The following STPG2 variants were observed in gnomAD, a reference collection of about 807,000 sequenced individuals.
The protein encoded by STPG2 is sperm tail PG-rich repeat containing 2.
Under a neutral mutation model 54.2 loss-of-function variants are expected in STPG2, and 56 were observed. The observed-to-expected ratio is 1.03, with a 90% CI of 0.83 to 1.29. STPG2 has a LOEUF of 1.29. STPG2 is among the 50% of genes most tolerant of loss of function. The pLI, the probability that STPG2 is intolerant of heterozygous loss-of-function variation, is 0.00. For missense variants in STPG2, 596 were observed against 544.9 expected (o/e 1.09, Z -0.93); for synonymous variants, 200 against 181.8 (o/e 1.10, Z -0.81).
chr4:98,110,100 T>G (rs992326874), intron 3 of STPG2, among the ~76,000 whole-genome samples: 2 of 152,116 alleles, frequency 1.3e-5, no homozygotes, highest in African/African-American at 4.8e-5. Context: ...TACTATAATT[T>G]CCATAACATA....
intron 4 of STPG2, among the ~76,000 whole-genome samples, chr4:97,522,099 T>A (rs1731195590): frequency 6.6e-6 from 1 of 152,010 alleles, no homozygotes; most frequent in African/African-American, 2.4e-5. Flanking sequence ...TAAACCTGAC[T>A]CTACCTACAT....
chr4:97,479,860 A>T (rs1730174699), intron 4 of STPG2, among the ~76,000 whole-genome samples: 1 of 151,908 alleles, frequency 6.6e-6, no homozygotes, highest in Non-Finnish European at 1.5e-5. Flanking sequence ...AGGGAAGCAA[A>T]GTGATTCCTA....
intron 4 of STPG2, among the ~76,000 whole-genome samples, chr4:97,539,354 C>G (rs1404240332): frequency 6.6e-6 from 1 of 151,980 alleles, no homozygotes; most frequent in East Asian, 1.9e-4. Context: ...GAAGATCTAC[C>G]AAGCAAATGG....
intron 10 of STPG2, among the ~76,000 whole-genome samples, chr4:97,560,219 C>T (rs74713713): frequency 0.021 from 3,237 of 152,202 alleles, 71 homozygotes; most frequent in African/African-American, 0.059. Context: ...ATGACATCAT[C>T]GGAAAATTAC....
chr4:97,692,057 C>T (rs1156436081), intron 10 of STPG2, among the ~76,000 whole-genome samples: 1 of 152,064 alleles, frequency 6.6e-6, no homozygotes, highest in African/African-American at 2.4e-5. Flanking sequence ...CAGATTTTCC[C>T]TCTGATATAG....
intron 3 of STPG2, among the ~76,000 whole-genome samples, chr4:98,120,095 G>C (rs749081543): frequency 6.6e-6 from 1 of 151,588 alleles, no homozygotes; most frequent in African/African-American, 2.4e-5. Flanking sequence ...TTTTGTTTTT[G>C]TTTGAAATGG....
intron 8 of STPG2, among the ~76,000 whole-genome samples, chr4:97,881,982 A>C (rs1442364159): frequency 1.3e-5 from 2 of 152,150 alleles, no homozygotes; most frequent in Non-Finnish European, 2.9e-5. Flanking sequence ...TAAAAGAGCA[A>C]TAAATTAGCC....
chr4:98,112,086 C>G (rs1377132118), intron 3 of STPG2, among the ~76,000 whole-genome samples: 1 of 152,076 alleles, frequency 6.6e-6, no homozygotes, highest in East Asian at 1.9e-4. Context: ...GACTTCTCAG[C>G]CTCCATAATC....
chr4:97,734,061 A>C (rs1724892602), intron 9 of STPG2, among the ~76,000 whole-genome samples: 1 of 152,186 alleles, frequency 6.6e-6, no homozygotes, highest in Admixed American at 6.5e-5. Context: ...AAGTGCCAAA[A>C]GTGGGCATCC....
chr4:97,877,679 T>C (rs1730228494), intron 8 of STPG2, among the ~76,000 whole-genome samples: 1 of 152,056 alleles, frequency 6.6e-6, no homozygotes, highest in African/African-American at 2.4e-5. Flanking sequence ...TCCCACAACA[T>C]GGGGGAATTA....
chr4:97,657,802 T>C, intron 10 of STPG2, among the ~76,000 whole-genome samples: 1 of 152,222 alleles, frequency 6.6e-6, no homozygotes. Flanking sequence ...CTAGATCACT[T>C]GTAAATAGAA....
chr4:97,775,325 T>C (rs1386370317), intron 9 of STPG2, among the ~76,000 whole-genome samples: 1 of 152,198 alleles, frequency 6.6e-6, no homozygotes, highest in Admixed American at 6.5e-5. Flanking sequence ...TACATATGTA[T>C]ACATGTGCCA....
Position 97,597,556 on chromosome 4 carries a change from C to T in STPG2, c.1321-38439G>A, listed in dbSNP as rs1460178138. Among the ~76,000 whole-genome samples the T allele has an allele frequency of 2.0e-5, 3 of 151,906 alleles. No individual in the cohort carries two copies. In the East Asian group the frequency reaches 5.8e-4, roughly 29 times the overall value. On this transcript the variant is annotated intron_variant, in intron 10 of 10. Transcript: ENST00000295268. ...CACCAAGATTAAGTAGACTTTTTCC[C>T]TGGGATGCAAGGTTGTTTCAATATA... is the stretch of plus-strand genomic sequence containing the variant.
intron 5 of STPG2, among the ~76,000 whole-genome samples, chr4:98,057,354 G>A (rs1456946261): frequency 2.0e-5 from 3 of 152,114 alleles, no homozygotes; most frequent in Non-Finnish European, 4.4e-5. Context: ...CCAGTATAGA[G>A]AAGAACATAG....
intron 4 of STPG2, among the ~76,000 whole-genome samples, chr4:97,460,145 G>C (rs906745981): frequency 1.3e-5 from 2 of 152,196 alleles, no homozygotes; most frequent in African/African-American, 2.4e-5. Flanking sequence ...CCCCCCACTA[G>C]TACAACCACC....
At chr4:97,687,542 G>A (rs1455067442) in intron 10 of STPG2, among the ~76,000 whole-genome samples, 3 of 151,714 alleles carry the variant, frequency 2.0e-5, no homozygotes, top group Admixed American at 6.6e-5. Flanking sequence ...GTTTCACCAC[G>A]TTGGCCAAGC....
intron 8 of STPG2, among the ~76,000 whole-genome samples, chr4:97,914,379 C>G (rs1236639970): frequency 2.6e-5 from 4 of 152,184 alleles, no homozygotes; most frequent in African/African-American, 9.6e-5. Flanking sequence ...AATAGCTCAC[C>G]AGGAAAATAA....
chr4:98,001,909 G>C (rs993746301), intron 5 of STPG2, among the ~76,000 whole-genome samples: 6 of 152,086 alleles, frequency 3.9e-5, no homozygotes, highest in African/African-American at 7.2e-5. Context: ...CAGCCCATAA[G>C]CCACCAGATT....
At chr4:98,062,024 G>T (rs7684523) in intron 5 of STPG2, among the ~76,000 whole-genome samples, 59,930 of 151,884 alleles carry the variant, frequency 0.39, 12,046 homozygotes, top group Middle Eastern at 0.46. Context: ...CCATTCACAA[G>T]AGCAAAGACA....
Sources: gnomAD v4.1 joint callset for allele counts (sites outside exome capture counted in the v4.1 genomes callset) on GRCh38, gnomAD v4.1.1 for gene constraint, MANE v1.5 for transcripts, NCBI Gene and HGNC (gene_info 2026-07-23, HGNC 2026-07-21) for gene names.